Variants in RFFL observed in about 807,000 individuals in gnomAD.
RFFL encodes the protein ring finger and FYVE like domain containing E3 ubiquitin protein ligase.
Under a neutral mutation model 40.4 loss-of-function variants are expected in RFFL, and 16 were observed. That is an observed-to-expected ratio of 0.40 (90% confidence interval 0.27 to 0.60). The LOEUF is 0.60. Ranked by LOEUF, RFFL falls within the 20% of genes least tolerant of loss-of-function variation. The probability of loss-of-function intolerance (pLI) is 0.47; values close to 1 mark genes in which losing one functional copy is unlikely to be tolerated. For synonymous variants in RFFL, 154 were observed against 167.9 expected, an observed-to-expected ratio of 0.92 and a Z score of 0.64; for missense variants, 367 against 451.7, an observed-to-expected ratio of 0.81 and a Z score of 1.70.
At chr17:35,062,770 G>A (rs1361793274) in intron 1 of RFFL, among the ~76,000 whole-genome samples, 5 of 152,144 alleles carry the variant, frequency 3.3e-5, no homozygotes, top group African/African-American at 4.8e-5. Context: ...GGAGGGTGAC[G>A]ACTACCTAGA....
At chr17:35,081,720 C>A (rs1278708019) in intron 1 of RFFL, among the ~76,000 whole-genome samples, 1 of 151,822 alleles carries the variant, frequency 6.6e-6, no homozygotes, top group Non-Finnish European at 1.5e-5. Context: ...GTAAAATCAC[C>A]CCTCAAAAAA....
chr17:35,036,321 CTCTCT>C lies in RFFL; in HGVS notation c.-8-9765_-8-9761del, dbSNP rs548431689. 2.9e-3 allele frequency: 445 copies of C among 152,286 alleles called. 4 individuals carry two copies. The highest frequency in any genetic ancestry group is 0.01 in the African/African-American group (433 of 41,554). 9.4% of individuals were successfully genotyped at this position (152,286 alleles called of 1,614,324 possible). On this transcript the variant is annotated intron_variant, in intron 1 of 6. Transcript: ENST00000394597. ...CTAAGGTGATAAATGAAAAACTTTT[CTCTCT>C]TATCTACAAACCTCCTTCTGATCTT...
At position 35,016,816 on chromosome 17, in the gene RFFL, T is replaced by C. The variant is rs376208410; in HGVS notation, c.676-236A>G. Among the ~76,000 whole-genome samples, 10 of 152,256 alleles carry C rather than the reference T, an allele frequency of 6.6e-5. No individual in the cohort carries two copies. The East Asian group carries it at 1.4e-3, about 21-fold the overall frequency. ...ACAGACACAGACCAACCAATCAGTGTGATATAGTACTAGATAGAAGTATAG... is the reference window on the plus strand; with the variant it reads ...ACAGACACAGACCAACCAATCAGTGCGATATAGTACTAGATAGAAGTATAG... On this transcript the variant is annotated intron_variant, in intron 4 of 6. Transcript: ENST00000394597.
Position 35,026,472 on chromosome 17 carries a change from C to G in RFFL, c.82G>C (p.Ala28Pro). The G allele has an allele frequency of 6.2e-7, 1 of 1,613,118 alleles. No individual in the cohort carries two copies. The highest frequency in any genetic ancestry group is 1.3e-5 in the African/African-American group (1 of 74,990). ...VPPPQGARMQ[A>P]YSNPGYSSFP... ...GAGCTGTACCCAGGGTTGGAATAGGCCTGCATCCTGGCTCCCTGGGGTGGT... is the reference window on the plus strand; with the variant it reads ...GAGCTGTACCCAGGGTTGGAATAGGGCTGCATCCTGGCTCCCTGGGGTGGT... The change falls in exon 2 of 7, where the codon GCC becomes CCC. Residue 28 changes from alanine to proline, a missense_variant. Coordinates refer to ENST00000394597, the MANE Select transcript of RFFL (RefSeq NM_001017368.2).
At chr17:35,079,701 A>C (rs1463309112) in intron 1 of RFFL, among the ~76,000 whole-genome samples, 1 of 152,180 alleles carries the variant, frequency 6.6e-6, no homozygotes, top group Non-Finnish European at 1.5e-5. Flanking sequence ...AACTAGATCA[A>C]TGGGAGTGGT....
At chr17:35,015,474 G>A (rs2090967634) in intron 5 of RFFL, among the ~76,000 whole-genome samples, 1 of 152,252 alleles carries the variant, frequency 6.6e-6, no homozygotes, top group African/African-American at 2.4e-5. Context: ...CTGACGACTG[G>A]AGAGAAGACT....
Position 35,047,148 on chromosome 17 carries a change from C to T in RFFL, c.-9+16428G>A, listed in dbSNP as rs186793741. Among the ~76,000 whole-genome samples, 3 of 152,254 alleles carry T rather than the reference C, an allele frequency of 2.0e-5. No homozygotes were observed. In the East Asian group the frequency reaches 5.8e-4, roughly 29 times the overall value. On this transcript the variant is annotated intron_variant, in intron 1 of 6. Coordinates refer to ENST00000394597, the MANE Select transcript of RFFL (RefSeq NM_001017368.2). ...CCTTCTACTGAAGAAGCTGCTTTCACAAGATATTATCACAATGACTGACTA... is the reference window on the plus strand; with the variant it reads ...CCTTCTACTGAAGAAGCTGCTTTCATAAGATATTATCACAATGACTGACTA...
chr17:35,076,842 C>A, intron 1 of RFFL: 1 of 237,146 alleles, frequency 4.2e-6, no homozygotes, highest in Non-Finnish European at 8.6e-6. Flanking sequence ...CTGCCAAGCG[C>A]AAGAGGAAGT....
intron 1 of RFFL, among the ~76,000 whole-genome samples, chr17:35,076,155 G>C (rs543188506): frequency 4.0e-4 from 60 of 151,460 alleles, no homozygotes; most frequent in Non-Finnish European, 7.4e-4. Flanking sequence ...CACCACACCT[G>C]GCTAATTTTT....
chr17:35,069,579 C>T (rs1200743181), intron 1 of RFFL: 4 of 287,476 alleles, frequency 1.4e-5, no homozygotes, highest in South Asian at 1.3e-4. Flanking sequence ...GACTAAGCAG[C>T]TGATGAGTAG....
intron 1 of RFFL, among the ~76,000 whole-genome samples, chr17:35,079,654 TCTAA>T (rs2091394761): frequency 1.3e-5 from 2 of 152,202 alleles, no homozygotes; most frequent in Admixed American, 1.3e-4. Context: ...GCTTCTGGTC[TCTAA>T]CTGTGTCAAC....
In RFFL at chr17:35,011,817, A is replaced by G. The variant is rs1251435451; in HGVS notation, c.*151T>C. On this transcript the variant is annotated 3_prime_UTR_variant, in exon 7 of 7. Transcript: ENST00000394597. ...GAGGTACACCCCTGGGAAGACAGGC[A>G]TGCTCAGGGGTGACATGGCATCTTG... 2 of 704,768 alleles carry G rather than the reference A, an allele frequency of 2.8e-6. No homozygotes were observed. The highest frequency in any genetic ancestry group is 2.7e-5 in the East Asian group (1 of 37,390). 43.7% of individuals were successfully genotyped at this position (704,768 alleles called of 1,614,324 possible).
chr17:35,059,828 C>T (rs1431162517), intron 1 of RFFL, among the ~76,000 whole-genome samples: 1 of 152,130 alleles, frequency 6.6e-6, no homozygotes, highest in Non-Finnish European at 1.5e-5. Context: ...TCTTTCCCCC[C>T]TTTTTAAAAC....
At position 35,011,946 on chromosome 17, in the gene RFFL, C is replaced by T. The variant is rs935028253; in HGVS notation, c.*22G>A. ...CCCCAGGCTATTTCCCTGTAAGGCACTGAAGAAACCGATGCAAGCTCTCAG... is the reference window on the plus strand; with the variant it reads ...CCCCAGGCTATTTCCCTGTAAGGCATTGAAGAAACCGATGCAAGCTCTCAG... On this transcript the variant is annotated 3_prime_UTR_variant, in exon 7 of 7. Transcript: ENST00000394597. The T allele has an allele frequency of 6.2e-7, 1 of 1,611,200 alleles. No homozygotes were observed. Among genetic ancestry groups the T allele is most frequent in the African/African-American group, 1.3e-5 (1 of 74,888 alleles).
chr17:35,024,516 A>G (rs1657774813), intron 2 of RFFL, among the ~76,000 whole-genome samples: 1 of 152,160 alleles, frequency 6.6e-6, no homozygotes, highest in African/African-American at 2.4e-5. Flanking sequence ...TTACCAATAG[A>G]GATGGGGTAT....
At position 35,016,448 on chromosome 17, in the gene RFFL, T is replaced by C. The variant is rs542817913; in HGVS notation, c.808A>G (p.Lys270Glu). The change falls in exon 5 of 7, where the codon AAG (lysine) becomes GAG (glutamate). Residue 270 changes from lysine to glutamate, a missense_variant. Coordinates refer to ENST00000394597, the MANE Select transcript of RFFL (RefSeq NM_001017368.2). ...AGCTCCCACTTCTCACAGCAGCCCT[T>C]GTAGTTGACAAAGTTGCGAGCCAAG... ...EILARNFVNY[K>E]GCCEKWELME... 21 of 1,614,176 alleles carry C rather than the reference T, an allele frequency of 1.3e-5. No individual in the cohort carries two copies. Among genetic ancestry groups the C allele is most frequent in the Non-Finnish European group, 1.5e-5 (18 of 1,180,020 alleles).
intron 1 of RFFL, among the ~76,000 whole-genome samples, chr17:35,039,851 A>AT (rs1398671240): frequency 6.6e-6 from 1 of 151,802 alleles, no homozygotes; most frequent in African/African-American, 2.4e-5. Flanking sequence ...CTAATTTTGT[A>AT]TTTTTAGTAG....
At chr17:35,085,191 C>A (rs938552956) in intron 1 of RFFL, among the ~76,000 whole-genome samples, 3 of 152,220 alleles carry the variant, frequency 2.0e-5, no homozygotes, top group African/African-American at 7.2e-5. Flanking sequence ...TACAATAAAA[C>A]ATACTCAAAA....
intron 1 of RFFL, among the ~76,000 whole-genome samples, chr17:35,027,241 C>T (rs1240951009): frequency 6.6e-6 from 1 of 152,186 alleles, no homozygotes; most frequent in African/African-American, 2.4e-5. Context: ...AAACTTCTAT[C>T]ACAGCACCTA....
Sources: gnomAD v4.1 joint callset for allele counts (sites outside exome capture counted in the v4.1 genomes callset) on GRCh38, gnomAD v4.1.1 for gene constraint, MANE v1.5 for transcripts, NCBI Gene and HGNC (gene_info 2026-07-23, HGNC 2026-07-21) for gene names.